The following MFSD1 variants were observed in gnomAD, a reference collection of about 807,000 sequenced individuals.
MFSD1 encodes the protein lysosomal dipeptide transporter MFSD1.
Under a neutral mutation model 67.1 loss-of-function variants are expected in MFSD1, and 59 were observed. The observed-to-expected ratio is 0.88, with a 90% CI of 0.71 to 1.09. The LOEUF (loss-of-function observed/expected upper bound fraction) is 1.09. Ranked by LOEUF, MFSD1 falls within the 50% of genes least tolerant of loss-of-function variation. The pLI is 0.00. For synonymous variants in MFSD1, 213 were observed against 200.3 expected (o/e 1.06, Z -0.54); for missense variants, 552 against 566.1 (o/e 0.97, Z 0.25).
chr3:158,824,007 A>G (rs911869799), intron 12 of MFSD1, 117 bp from the exon 13 acceptor site: 2 of 782,252 alleles, frequency 2.6e-6, no homozygotes, highest in African/African-American at 3.5e-5. Flanking sequence ...CTGGTGGAAA[A>G]CATCTCTGAA....
Position 158,810,500 on chromosome 3 carries a change from T to G in MFSD1, c.549+1213T>G, listed in dbSNP as rs1037995058. On this transcript the variant is annotated intron_variant, in intron 6 of 15. Coordinates refer to ENST00000415822, the MANE Select transcript of MFSD1 (RefSeq NM_022736.4). The stretch of plus-strand genomic sequence containing the variant: ...TTCATCATATGAGTATTTCTGTATT[T>G]TTATACATGTAAGTTCTTTCTGATT... 2.9e-4 allele frequency among the ~76,000 whole-genome samples: 44 copies of G among 152,204 alleles called. 1 individual carries two copies. The highest frequency in any genetic ancestry group is 2.9e-5 in the Non-Finnish European group (2 of 68,038).
chr3:158,817,840 C>A (rs368564381), intron 7 of MFSD1, among the ~76,000 whole-genome samples: 1 of 152,196 alleles, frequency 6.6e-6, no homozygotes, highest in South Asian at 2.1e-4. Flanking sequence ...CGCTACCTGA[C>A]GTCTTGTAGT....
intron 1 of MFSD1, among the ~76,000 whole-genome samples, chr3:158,803,170 TAC>T (rs1729545275): frequency 6.6e-6 from 1 of 152,190 alleles, no homozygotes; most frequent in Non-Finnish European, 1.5e-5. Context: ...CTTCCTATGT[TAC>T]AGTTTTTAAT....
At chr3:158,821,941 C>A in intron 10 of MFSD1, 43 bp from the exon 11 acceptor site, 3 of 1,577,534 alleles carry the variant, frequency 1.9e-6, no homozygotes, top group Non-Finnish European at 2.6e-6. Flanking sequence ...TGATGTTTGA[C>A]TGTGTTGCAT....
chr3:158,813,813 T>G, intron 6 of MFSD1, 152 bp from the exon 7 acceptor site: 1 of 411,356 alleles, frequency 2.4e-6, no homozygotes, highest in Non-Finnish European at 4.3e-6. Flanking sequence ...TTTATCTTGG[T>G]TTGTCAATTT....
intron 6 of MFSD1, among the ~76,000 whole-genome samples, chr3:158,811,832 C>T (rs892065453): frequency 1.3e-5 from 2 of 152,162 alleles, no homozygotes; most frequent in African/African-American, 4.8e-5. Flanking sequence ...AAATAAGCAA[C>T]AAGGTAAACA....
intron 6 of MFSD1, among the ~76,000 whole-genome samples, chr3:158,813,171 G>A (rs997169241): frequency 2.1e-5 from 3 of 143,780 alleles, no homozygotes; most frequent in South Asian, 2.2e-4. Flanking sequence ...TTTTTGAGAC[G>A]GAGTCTTGCT....
intron 10 of MFSD1, 149 bp from the exon 11 acceptor site, chr3:158,821,835 T>A: frequency 9.8e-7 from 1 of 1,020,820 alleles, no homozygotes; most frequent in Non-Finnish European, 1.4e-6. Flanking sequence ...CAAAGAAGTC[T>A]TGAACTGCTT....
At chr3:158,809,372 G>A in intron 6 of MFSD1, 85 bp downstream of exon 6, 2 of 845,138 alleles carry the variant, frequency 2.4e-6, no homozygotes, top group Non-Finnish European at 3.7e-6. Context: ...AGGATGAAAT[G>A]TATTTGTGTA....
chr3:158,828,866 A>G, intron 15 of MFSD1, 113 bp from the exon 16 acceptor site: 2 of 940,662 alleles, frequency 2.1e-6, no homozygotes, highest in Non-Finnish European at 3.0e-6. Context: ...AAAAATGTGT[A>G]GCTTAGTATT....
At chr3:158,805,247 C>T in intron 2 of MFSD1, 115 bp from the exon 3 acceptor site, 3 of 832,500 alleles carry the variant, frequency 3.6e-6, no homozygotes, top group East Asian at 2.5e-5. Context: ...AAAAAACTTG[C>T]CCTTTACAGA....
chr3:158,825,949 A>G, intron 13 of MFSD1, 66 bp from the exon 14 acceptor site: 2 of 1,260,688 alleles, frequency 1.6e-6, no homozygotes, highest in South Asian at 2.4e-5. Flanking sequence ...CTTTGTGATT[A>G]TGATTACATA....
chr3:158,816,955 A>T (rs1730389521), intron 7 of MFSD1, among the ~76,000 whole-genome samples: 1 of 151,938 alleles, frequency 6.6e-6, no homozygotes, highest in South Asian at 2.1e-4. Context: ...AAGATCAGAT[A>T]GTTGTAGATA....
Position 158,829,174 on chromosome 3 carries a change from G to T in MFSD1, c.*192G>T. The T allele has an allele frequency of 2.4e-6, 1 of 410,124 alleles. No individual in the cohort carries two copies. 25.4% of individuals were successfully genotyped at this position (410,124 alleles called of 1,614,324 possible). On this transcript the variant is annotated 3_prime_UTR_variant, in exon 16 of 16. Coordinates refer to ENST00000415822, the MANE Select transcript of MFSD1 (RefSeq NM_022736.4). ...GCCTGTGTCTTTTGTATTGTGTGTT[G>T]CTAAAGAATTCTACTTTTAGTAGGC...
intron 6 of MFSD1, among the ~76,000 whole-genome samples, chr3:158,811,625 C>G (rs1202945489): frequency 6.6e-6 from 1 of 152,158 alleles, no homozygotes; most frequent in Non-Finnish European, 1.5e-5. Context: ...AAGGGGGAAA[C>G]TATAGGCTGT....
At chr3:158,815,733 A>G (rs1730294824) in intron 7 of MFSD1, among the ~76,000 whole-genome samples, 1 of 151,390 alleles carries the variant, frequency 6.6e-6, no homozygotes, top group Non-Finnish European at 1.5e-5. Flanking sequence ...TACATGTGCC[A>G]TGCTGGTGTG....
At chr3:158,827,382 T>A in intron 15 of MFSD1, 45 bp downstream of exon 15, 1 of 1,105,552 alleles carries the variant, frequency 9.0e-7, no homozygotes, top group Non-Finnish European at 1.3e-6. Flanking sequence ...TTTGAAATCT[T>A]AAATATGAGC....
intron 1 of MFSD1, chr3:158,802,717 G>A: frequency 5.2e-6 from 2 of 382,532 alleles, no homozygotes; most frequent in East Asian, 7.0e-5. Flanking sequence ...TTGGTTTTAG[G>A]TGAGACAGGG....
chr3:158,821,440 A>G (rs536544085), intron 9 of MFSD1, among the ~76,000 whole-genome samples, 157 bp from the exon 10 acceptor site: 2 of 152,348 alleles, frequency 1.3e-5, no homozygotes, highest in South Asian at 4.1e-4. Flanking sequence ...TAAATACTGA[A>G]GCTTTAGCAG....
Sources: gnomAD v4.1 joint callset for allele counts (sites outside exome capture counted in the v4.1 genomes callset) on GRCh38, gnomAD v4.1.1 for gene constraint, MANE v1.5 for transcripts, NCBI Gene and HGNC (gene_info 2026-07-23, HGNC 2026-07-21) for gene names.